Variants in KIF11 observed in about 807,000 individuals in gnomAD.
KIF11 encodes the protein kinesin-like protein KIF11.
Under a neutral mutation model 121.0 loss-of-function variants are expected in KIF11, and 9 were observed. That is an observed-to-expected ratio of 0.07 (90% CI 0.04 to 0.13). The LOEUF is 0.13. KIF11 is among the 10% of genes least tolerant of loss of function. KIF11 has a pLI of 1.00. For missense variants in KIF11, 846 were observed against 1,217.5 expected, an observed-to-expected ratio of 0.69 and a Z score of 4.54; for synonymous variants, 408 against 421.0, an observed-to-expected ratio of 0.97 and a Z score of 0.38.
chr10:92,610,470 C>T (rs1025259335), intron 6 of KIF11, among the ~76,000 whole-genome samples: 1 of 151,980 alleles, frequency 6.6e-6, no homozygotes, highest in African/African-American at 2.4e-5. Context: ...CTCCTTTTTT[C>T]TTGTAAAGAC....
At chr10:92,650,546 T>C (rs1384866845) in intron 21 of KIF11, 29 bp downstream of exon 21, 7 of 1,176,446 alleles carry the variant, frequency 6.0e-6, no homozygotes, top group Non-Finnish European at 9.0e-6. Context: ...CCCTTCCACA[T>C]CTGATGTAAG....
rs1005415944 is a variant in KIF11 at position 92,654,083 on chromosome 10, C to T, written c.*287C>T. On this transcript the variant is annotated 3_prime_UTR_variant, in exon 22 of 22. Coordinates refer to ENST00000260731, the MANE Select transcript of KIF11 (RefSeq NM_004523.4). ...CCCAGCTACTGGGGAGGCTGAGGCACGAGAATCACTTGAACCCAGGAAGCG... is the reference window on the plus strand; with the variant it reads ...CCCAGCTACTGGGGAGGCTGAGGCATGAGAATCACTTGAACCCAGGAAGCG... 2.6e-5 allele frequency: 6 copies of T among 231,374 alleles called. No individual in the cohort carries two copies. Among genetic ancestry groups the T allele is most frequent in the African/African-American group, 1.4e-4 (6 of 44,304 alleles). The allele number at this position is 231,374 out of a possible 1,614,324, so 14.3% of individuals were successfully genotyped here.
At chr10:92,641,999 G>A (rs141204429) in intron 17 of KIF11, among the ~76,000 whole-genome samples, 1 of 151,886 alleles carries the variant, frequency 6.6e-6, no homozygotes, top group African/African-American at 2.4e-5. Flanking sequence ...ATTTTCATTT[G>A]CTTTTTTTAT....
intron 1 of KIF11, among the ~76,000 whole-genome samples, chr10:92,595,763 A>G (rs1844288105): frequency 1.3e-5 from 2 of 152,088 alleles, no homozygotes; most frequent in South Asian, 4.1e-4. Context: ...GACACCTACC[A>G]TTCGACTGTC....
intron 10 of KIF11, among the ~76,000 whole-genome samples, chr10:92,622,166 C>G (rs1375226460): frequency 2.0e-5 from 3 of 152,208 alleles, no homozygotes; most frequent in African/African-American, 4.8e-5. Context: ...CATAGCTACT[C>G]CAGAGGCTGA....
At position 92,593,349 on chromosome 10, in the gene KIF11, G is replaced by A. The variant is rs757389411; in HGVS notation, c.-27G>A. ...CTCACAGCGCCCAGGTCCGCGGCCG[G>A]GCCTTGATTTTTTGGCGGGGACCGT... On this transcript the variant is annotated 5_prime_UTR_variant, in exon 1 of 22. Transcript: ENST00000260731. 3.3e-5 allele frequency: 53 copies of A among 1,595,256 alleles called. No homozygotes were observed. The Admixed American group carries it at 9.4e-4, about 28-fold the overall frequency.
chr10:92,651,537 T>TTTTTTTTTTTTTTTTG, intron 21 of KIF11, among the ~76,000 whole-genome samples: 2 of 108,782 alleles, frequency 1.8e-5, no homozygotes, highest in Admixed American at 9.2e-5. Context: ...TTTTTTTTTT[T>TTTTTTTTTTTTTTTTG]TTTTTTTTTT....
At chr10:92,629,975 T>TA (rs1163244904) in intron 11 of KIF11, among the ~76,000 whole-genome samples, 13 of 152,164 alleles carry the variant, frequency 8.5e-5, no homozygotes, top group African/African-American at 9.7e-5. Flanking sequence ...GAAGAATTAA[T>TA]AGTACTACAC....
chr10:92,637,341 A>C (rs1437845831), intron 15 of KIF11, 32 bp downstream of exon 15: 2 of 1,581,444 alleles, frequency 1.3e-6, no homozygotes, highest in Non-Finnish European at 1.7e-6. Context: ...ATATCTCAAA[A>C]TTGATGTGTT....
chr10:92,630,510 T>C, intron 12 of KIF11, 146 bp downstream of exon 12: 1 of 484,298 alleles, frequency 2.1e-6, no homozygotes, highest in East Asian at 3.5e-5. Context: ...ATTTCATCCA[T>C]GTTTTTCTCA....
At chr10:92,606,852 A>T (rs1355064525) in intron 3 of KIF11, 136 bp downstream of exon 3, 2 of 654,972 alleles carry the variant, frequency 3.1e-6, no homozygotes, top group East Asian at 5.4e-5. Flanking sequence ...ATCTCGGCTC[A>T]CTGCAGCCTC....
intron 17 of KIF11, among the ~76,000 whole-genome samples, chr10:92,642,967 A>G (rs547976355): frequency 6.6e-6 from 1 of 152,354 alleles, no homozygotes; most frequent in Non-Finnish European, 1.5e-5. Flanking sequence ...GCCGGAGTAC[A>G]GTGGTGCAAT....
intron 9 of KIF11, among the ~76,000 whole-genome samples, chr10:92,619,770 A>G (rs1008540979): frequency 1.3e-5 from 2 of 151,394 alleles, no homozygotes; most frequent in Non-Finnish European, 2.9e-5. Flanking sequence ...TGCTTATTTG[A>G]TGTTTATATA....
In KIF11 at chr10:92,615,558, C is replaced by T. The variant is rs138457701; in HGVS notation, c.1033-1179C>T. ...TATTTACAGAGTTGTCCAACCATCA[C>T]CAAAATCTAAGTTTTGAACATTTTC... On this transcript the variant is annotated intron_variant, in intron 8 of 21. Coordinates refer to ENST00000260731, the MANE Select transcript of KIF11 (RefSeq NM_004523.4). Among the ~76,000 whole-genome samples, 305 of 152,222 alleles carry T rather than the reference C, an allele frequency of 2.0e-3. 2 individuals carry two copies. In the Middle Eastern group the frequency reaches 0.02, roughly 10 times the overall value.
chr10:92,650,082 C>A, intron 20 of KIF11, 96 bp downstream of exon 20: 1 of 871,632 alleles, frequency 1.1e-6, no homozygotes, highest in Non-Finnish European at 1.8e-6. Flanking sequence ...ACCCCTCAAT[C>A]TTACCCCGCC....
Position 92,613,592 on chromosome 10 carries a change from A to C in KIF11, c.1005A>C (p.Thr335=), listed in dbSNP as rs1426119518. 5 of 1,613,192 alleles carry C rather than the reference A, an allele frequency of 3.1e-6. No individual in the cohort carries two copies. Among genetic ancestry groups the C allele is most frequent in the Non-Finnish European group, 4.2e-6 (5 of 1,179,610 alleles). Residue 335 remains threonine (T), a synonymous_variant, in exon 8 of 22, where the codon ACA becomes ACC. Coordinates refer to ENST00000260731, the MANE Select transcript of KIF11 (RefSeq NM_004523.4). The surrounding 1 kb of genome is among the most constrained non-coding windows in gnomAD (Gnocchi z 4.2). Reference sequence around the variant, plus strand: ...GTACAAGAACATCTATAATTGCAACAATTTCTCCTGCATCTCTCAATCTTG... The same window carrying C: ...GTACAAGAACATCTATAATTGCAACCATTTCTCCTGCATCTCTCAATCTTG... ...GGRTRTSIIA[T]ISPASLNLEE... is the part of the protein sequence containing the mutation.
chr10:92,642,360 C>T (rs190726302), intron 17 of KIF11, among the ~76,000 whole-genome samples: 2 of 152,026 alleles, frequency 1.3e-5, no homozygotes, highest in Admixed American at 1.3e-4. Flanking sequence ...TTTTTAGAGC[C>T]CTTGCAGTGT....
At chr10:92,608,619 AGTAGAGATG>A (rs1844457092) in intron 4 of KIF11, among the ~76,000 whole-genome samples, 1 of 152,094 alleles carries the variant, frequency 6.6e-6, no homozygotes, top group Admixed American at 6.6e-5. Context: ...TTGTATTTTT[AGTAGAGATG>A]GGGTTTCACC....
chr10:92,651,542 T>G (rs1844984098), intron 21 of KIF11, among the ~76,000 whole-genome samples: 4 of 110,574 alleles, frequency 3.6e-5, no homozygotes, highest in Non-Finnish European at 7.3e-5. Context: ...TTTTTTTTTT[T>G]TTTTTTAGTA....
Sources: allele counts gnomAD v4.1 joint callset (sites outside exome capture counted in the v4.1 genomes callset), GRCh38; gene constraint gnomAD v4.1.1; non-coding constraint Gnocchi (gnomAD v3.1); transcripts MANE v1.5; gene names NCBI Gene and HGNC (gene_info 2026-07-23, HGNC 2026-07-21).